Variants in DGKH observed in about 807,000 individuals in gnomAD.
DGKH encodes the protein diacylglycerol kinase eta, also known as DAG kinase eta.
Under a neutral mutation model 159.3 loss-of-function variants are expected in DGKH, and 90 were observed. The ratio of observed to expected loss-of-function variants is 0.57; its 90% CI spans 0.48 to 0.67. The LOEUF (loss-of-function observed/expected upper bound fraction) is 0.67, where lower values mean the gene tolerates loss of function less well. Among genes scored for constraint, DGKH ranks in the 30% least tolerant of loss-of-function variants. The pLI is 0.00. For synonymous variants in DGKH, 536 were observed against 553.8 expected, an observed-to-expected ratio of 0.97 and a Z score of 0.45; for missense variants, 1,181 against 1,506.1, an observed-to-expected ratio of 0.78 and a Z score of 3.57.
rs1177414574 is a variant in DGKH, at chr13:42,235,005, A to C, written c.*5817A>C. ...TTATTTCTTTCCAACTTTTGTTTGG[A>C]GACATTTATGTTAGAAGAAAAACTA... is the stretch of plus-strand genomic sequence containing the variant. On this transcript the variant is annotated 3_prime_UTR_variant, in exon 30 of 30. Transcript: ENST00000337343. 6.6e-6 allele frequency: 1 copy of C among 152,062 alleles called. No homozygotes were observed. Among genetic ancestry groups the C allele is most frequent in the East Asian group, 1.9e-4 (1 of 5,192 alleles). The allele number at this position is 152,062 out of a possible 1,614,324, so 9.4% of individuals were successfully genotyped here.
intron 1 of DGKH, among the ~76,000 whole-genome samples, chr13:42,087,083 A>ACACC (rs1301819914): frequency 1.4e-5 from 2 of 143,846 alleles, no homozygotes; most frequent in Non-Finnish European, 3.0e-5. Flanking sequence ...ACACACACAC[A>ACACC]CCTCAGAACA....
At chr13:42,063,679 CCT>C (rs1882346673) in intron 1 of DGKH, among the ~76,000 whole-genome samples, 1 of 152,104 alleles carries the variant, frequency 6.6e-6, no homozygotes, top group South Asian at 2.1e-4. Flanking sequence ...GTGGCTCACG[CCT>C]GTCATCCCAG....
In DGKH at chr13:42,151,527, AC is replaced by A. The variant is rs1566134549; in HGVS notation, c.385-3763del. 4.4e-3 allele frequency among the ~76,000 whole-genome samples: 402 copies of A among 92,234 alleles called. 1 individual carries two copies. Among genetic ancestry groups the A allele is most frequent in the East Asian group, 7.0e-3 (13 of 1,844 alleles). The allele number at this position is 92,234 out of a possible 152,430, so 60.5% of individuals were successfully genotyped here. On this transcript the variant is annotated intron_variant, in intron 3 of 29. Transcript: ENST00000337343. ...TGTGTATACACATGTATATATATACACGTGTATATATATATATACACGTGTA... is the reference window on the plus strand; with the variant it reads ...TGTGTATACACATGTATATATATACAGTGTATATATATATATACACGTGTA...
At chr13:42,057,713 C>G (rs967007831) in intron 1 of DGKH, among the ~76,000 whole-genome samples, 1 of 152,142 alleles carries the variant, frequency 6.6e-6, no homozygotes, top group Non-Finnish European at 1.5e-5. Flanking sequence ...TATACAAAAA[C>G]CTCTGCCCTC....
intron 26 of DGKH, among the ~76,000 whole-genome samples, chr13:42,216,158 T>G (rs1292055688): frequency 2.6e-5 from 4 of 152,242 alleles, no homozygotes; most frequent in Non-Finnish European, 5.9e-5. Flanking sequence ...GAAATCAAGT[T>G]TAGGCCAAGT....
intron 12 of DGKH, among the ~76,000 whole-genome samples, chr13:42,175,455 A>C (rs1159760556): frequency 1.3e-5 from 2 of 152,324 alleles, no homozygotes; most frequent in African/African-American, 4.8e-5. Flanking sequence ...TATGGAAATC[A>C]GTCCTTTATC....
chr13:42,140,924 A>AT (rs1354953725), intron 3 of DGKH: 2 of 150,964 alleles, frequency 1.3e-5, no homozygotes, highest in African/African-American at 4.9e-5. Flanking sequence ...TTTATTTTTT[A>AT]TTTTTTTATT....
chr13:42,056,970 G>A (rs889727788), intron 1 of DGKH, among the ~76,000 whole-genome samples: 3 of 152,048 alleles, frequency 2.0e-5, no homozygotes, highest in Admixed American at 6.5e-5. Context: ...TGGATCCTAC[G>A]TTTTTAGGGA....
At chr13:42,095,490 TA>T (rs1302764741) in intron 1 of DGKH, among the ~76,000 whole-genome samples, 1 of 152,094 alleles carries the variant, frequency 6.6e-6, no homozygotes, top group African/African-American at 2.4e-5. Flanking sequence ...AATGAGTGCT[TA>T]ATACCTATTG....
chr13:42,135,919 A>C (rs9594683), intron 3 of DGKH, among the ~76,000 whole-genome samples: 19,511 of 152,124 alleles, frequency 0.13, 1,598 homozygotes, highest in Admixed American at 0.22. Context: ...TGATATGTCT[A>C]TCCCCAGATT....
rs1954219398 is a variant in DGKH, at chr13:42,082,475, A to G, written c.192+33510A>G. Among the ~76,000 whole-genome samples the G allele has an allele frequency of 3.9e-5, 6 of 152,028 alleles. No homozygotes were observed. In the South Asian group the frequency reaches 1.2e-3, roughly 32 times the overall value. On this transcript the variant is annotated intron_variant, in intron 1 of 29. Coordinates refer to ENST00000337343, the MANE Select transcript of DGKH (RefSeq NM_178009.5). ...AAATTATATTCAGCCATCAATTTCT[A>G]TTACAGGATTTTTCCTTCCCCAGAG...
At chr13:42,048,387 C>T (rs2137631966), upstream of DGKH, among the ~76,000 whole-genome samples, 2 of 146,744 alleles carry the variant, frequency 1.4e-5, no homozygotes, top group Middle Eastern at 6.8e-3. This position sits in a 1 kb window ranked among gnomAD's most constrained non-coding sequence, Gnocchi z 6.7. Flanking sequence ...TTTCCTGCCT[C>T]CCCCACCCTC....
At chr13:42,087,341 A>G (rs1438280521) in intron 1 of DGKH, among the ~76,000 whole-genome samples, 1 of 152,200 alleles carries the variant, frequency 6.6e-6, no homozygotes, top group Non-Finnish European at 1.5e-5. Flanking sequence ...ATTTAAAGGA[A>G]TACAACAAAA....
chr13:42,073,005 A>G (rs777257206), intron 1 of DGKH, among the ~76,000 whole-genome samples: 1 of 151,862 alleles, frequency 6.6e-6, no homozygotes, highest in Non-Finnish European at 1.5e-5. Flanking sequence ...ATATTTGTCT[A>G]TTTTTTTCCC....
At position 42,209,407 on chromosome 13, in the gene DGKH, C is replaced by T. The variant is rs765044170; in HGVS notation, c.2792C>T (p.Pro931Leu). The change falls in exon 23 of 30, where the codon CCT (proline) becomes CTT (leucine). Residue 931 changes from proline to leucine, a missense_variant. By Grantham distance (98) the Pro-to-Leu change is moderately conservative. Around this residue, in one of 5 missense-constraint regions of DGKH, gnomAD observed 335 missense variants for 495.2 expected, o/e 0.68. Transcript: ENST00000337343. The part of the protein sequence containing the change: ...VQVDGEAWVQ[P>L]PGIIKIVHKN... The stretch of plus-strand genomic sequence containing the variant: ...GTGGATGGTGAAGCGTGGGTTCAGC[C>T]TCCAGGGATTATCAAAATTGTGCAC... 1.2e-6 allele frequency: 2 copies of T among 1,613,392 alleles called. No homozygotes were observed. Among genetic ancestry groups the T allele is most frequent in the Admixed American group, 1.7e-5 (1 of 59,826 alleles).
chr13:42,064,037 G>T (rs1196082375), intron 1 of DGKH, among the ~76,000 whole-genome samples: 2 of 152,070 alleles, frequency 1.3e-5, no homozygotes, highest in African/African-American at 4.8e-5. Context: ...GAGAATTACT[G>T]GAGCAATGTC....
intron 1 of DGKH, among the ~76,000 whole-genome samples, chr13:42,041,743 C>A (rs1248932044): frequency 1.3e-5 from 2 of 152,100 alleles, no homozygotes; most frequent in African/African-American, 4.8e-5. Context: ...TTTTCCCTGG[C>A]GTCGAATTTT....
intron 13 of DGKH, among the ~76,000 whole-genome samples, chr13:42,182,831 A>T (rs1956808894): frequency 6.6e-6 from 1 of 151,966 alleles, no homozygotes; most frequent in Non-Finnish European, 1.5e-5. Flanking sequence ...TATCAATATT[A>T]CTTAAGCCAT....
chr13:42,080,769 C>A (rs1218592541), intron 1 of DGKH, among the ~76,000 whole-genome samples: 2 of 151,602 alleles, frequency 1.3e-5, no homozygotes, highest in Non-Finnish European at 2.9e-5. Context: ...GATAAGTATA[C>A]CAATTTTAAC....
Sources: gnomAD v4.1 joint callset for allele counts (sites outside exome capture counted in the v4.1 genomes callset) on GRCh38, gnomAD v4.1.1 for gene constraint, gnomAD v4.1.1 regional missense constraint, Gnocchi (gnomAD v3.1) non-coding constraint, MANE v1.5 for transcripts, NCBI Gene and HGNC (gene_info 2026-07-23, HGNC 2026-07-21) for gene names.